RANBP17: variants seen among roughly 807,000 people sequenced by gnomAD.
RANBP17 encodes RAN binding protein 17.
In RANBP17, 158 loss-of-function variants were observed where a neutral mutation model predicts 141.2. The ratio of observed to expected loss-of-function variants is 1.12; its 90% CI spans 0.98 to 1.28. The LOEUF (loss-of-function observed/expected upper bound fraction) is 1.28. Among genes scored for constraint, RANBP17 ranks in the 50% most tolerant of loss-of-function variants. The pLI, the probability that RANBP17 is intolerant of heterozygous loss-of-function variation, is 0.00. For missense variants in RANBP17, 1,438 were observed against 1,290.7 expected (o/e 1.11, Z -1.75); for synonymous variants, 430 against 450.0 (o/e 0.96, Z 0.56).
chr5:171,121,800 A>G (rs961200072), intron 14 of RANBP17, among the ~76,000 whole-genome samples: 6 of 152,122 alleles, frequency 3.9e-5, no homozygotes, highest in Admixed American at 2.0e-4. Context: ...GTGCTGGATA[A>G]GTGCAATAGT....
In RANBP17 at chr5:171,265,758, G is replaced by A. The variant is rs769664997; in HGVS notation, c.2854G>A (p.Gly952Ser). The change falls in exon 25 of 28, where the codon GGC (glycine) becomes AGC (serine). Residue 952 changes from glycine (G) to serine (S), a missense_variant. Coordinates refer to ENST00000523189, the MANE Select transcript of RANBP17 (RefSeq NM_022897.5). ...CCTCTTCAAGCACATAGCAAAAGAGGGCAAGAAGCCACTTCGATGCAGAGA... is the reference window on the plus strand; with the variant it reads ...CCTCTTCAAGCACATAGCAAAAGAGAGCAAGAAGCCACTTCGATGCAGAGA... ...TYLFKHIAKE[G>S]KKPLRCREAT... 26 of 1,614,016 alleles carry A rather than the reference G, an allele frequency of 1.6e-5. 1 individual carries two copies. In the South Asian group the frequency reaches 2.1e-4, roughly 13 times the overall value.
rs1764861295 is a variant in RANBP17, at chr5:171,241,231, G to A, written c.2637+89G>A. On this transcript the variant is annotated intron_variant, in intron 23 of 27. Transcript: ENST00000523189. ...GAAGTGTTATAATGAAGCCCAGGGA[G>A]TTAGCCTAGAACATTTTATGTTTTA... 3.1e-6 allele frequency: 3 copies of A among 953,844 alleles called. No homozygotes were observed. In the Admixed American group the frequency reaches 6.5e-5, roughly 21 times the overall value. The allele number at this position is 953,844 out of a possible 1,614,324, so 59.1% of individuals were successfully genotyped here. A position where few individuals can be genotyped will look rare whatever the true frequency, so the allele number is the denominator to read the frequency against.
At chr5:171,271,563 A>G (rs978849781) in intron 25 of RANBP17, 1 of 209,662 alleles carries the variant, frequency 4.8e-6, no homozygotes, top group South Asian at 1.9e-4. Flanking sequence ...AGATTTTCTA[A>G]TGTTAATAAA....
intron 14 of RANBP17, among the ~76,000 whole-genome samples, chr5:171,168,615 G>A (rs1759869917): frequency 6.6e-6 from 1 of 152,054 alleles, no homozygotes; most frequent in Admixed American, 6.6e-5. Flanking sequence ...TGATTATTGA[G>A]GATTGTTGGT....
At chr5:171,076,805 A>G (rs1361138044) in intron 14 of RANBP17, among the ~76,000 whole-genome samples, 1 of 152,224 alleles carries the variant, frequency 6.6e-6, no homozygotes, top group Non-Finnish European at 1.5e-5. Context: ...TTACTAAAGA[A>G]AAACTCCCTT....
intron 2 of RANBP17, among the ~76,000 whole-genome samples, chr5:170,880,989 T>G (rs1200789018): frequency 6.6e-6 from 1 of 152,250 alleles, no homozygotes; most frequent in East Asian, 1.9e-4. Context: ...TCTGCCATCG[T>G]GGCATGAAAG....
At chr5:171,231,688 A>G (rs1004589567) in intron 22 of RANBP17, among the ~76,000 whole-genome samples, 31 of 152,226 alleles carry the variant, frequency 2.0e-4, no homozygotes, top group African/African-American at 7.0e-4. Context: ...TAAACTCTGT[A>G]AGCTTTAAAT....
intron 14 of RANBP17, chr5:171,158,598 T>G (rs749099057): frequency 5.8e-6 from 1 of 173,428 alleles, no homozygotes; most frequent in Admixed American, 6.4e-5. Flanking sequence ...TTGCTGAGAA[T>G]TGCAATTCTC....
chr5:171,051,750 AT>A (rs1312720352), intron 14 of RANBP17, among the ~76,000 whole-genome samples: 1 of 152,136 alleles, frequency 6.6e-6, no homozygotes, highest in African/African-American at 2.4e-5. Flanking sequence ...TCTTGGGTAT[AT>A]ACATAAAAGT....
chr5:171,266,888 G>C (rs1419303871), intron 25 of RANBP17, among the ~76,000 whole-genome samples: 2 of 151,498 alleles, frequency 1.3e-5, no homozygotes, highest in Non-Finnish European at 1.5e-5. Context: ...ACTACAGCCT[G>C]GATGACAGAG....
chr5:171,231,928 T>C (rs943918096), intron 22 of RANBP17, among the ~76,000 whole-genome samples: 5 of 152,244 alleles, frequency 3.3e-5, no homozygotes, highest in East Asian at 1.9e-4. Flanking sequence ...AACAAAATGC[T>C]ACAAATAGCA....
intron 14 of RANBP17, among the ~76,000 whole-genome samples, chr5:171,082,213 T>G (rs1785296623): frequency 6.6e-6 from 1 of 152,100 alleles, no homozygotes; most frequent in African/African-American, 2.4e-5. Context: ...TGTTTTTCAT[T>G]AAAATACACA....
intron 22 of RANBP17, among the ~76,000 whole-genome samples, chr5:171,234,490 T>C (rs895637874): frequency 6.6e-6 from 1 of 152,168 alleles, no homozygotes; most frequent in African/African-American, 2.4e-5. Flanking sequence ...GGATAGACTA[T>C]AGAGGATTAA....
intron 2 of RANBP17, 23 bp downstream of exon 2, chr5:170,878,266 T>C: frequency 6.3e-7 from 1 of 1,587,046 alleles, no homozygotes; most frequent in Non-Finnish European, 8.6e-7. Context: ...TAACAATGAT[T>C]AACCATGAAA....
At chr5:170,933,663 C>T (rs1004774640) in intron 12 of RANBP17, among the ~76,000 whole-genome samples, 1 of 152,084 alleles carries the variant, frequency 6.6e-6, no homozygotes, top group African/African-American at 2.4e-5. Flanking sequence ...GCCTTGATTT[C>T]GTTATGTACC....
chr5:171,034,400 A>G (rs1781741007), intron 14 of RANBP17, among the ~76,000 whole-genome samples: 2 of 152,206 alleles, frequency 1.3e-5, no homozygotes, highest in East Asian at 1.9e-4. Context: ...GTAGTGGTAT[A>G]AAACCTGAAT....
At chr5:170,874,093 C>T (rs1028937763) in intron 1 of RANBP17, among the ~76,000 whole-genome samples, 2 of 152,114 alleles carry the variant, frequency 1.3e-5, no homozygotes, top group Non-Finnish European at 2.9e-5. Context: ...GCGTTAATTT[C>T]ATTATTTACC....
At chr5:171,256,615 T>C (rs931624682) in intron 24 of RANBP17, among the ~76,000 whole-genome samples, 1 of 151,336 alleles carries the variant, frequency 6.6e-6, no homozygotes, top group African/African-American at 2.4e-5. Flanking sequence ...ATACAAAGGA[T>C]CAACAAAACA....
intron 14 of RANBP17, among the ~76,000 whole-genome samples, chr5:171,035,744 T>TG (rs1269555378): frequency 2.7e-5 from 4 of 150,098 alleles, no homozygotes; most frequent in African/African-American, 4.9e-5. Flanking sequence ...TTTGTTTTTT[T>TG]TTTTTTTTTT....
Sources: allele counts gnomAD v4.1 joint callset (sites outside exome capture counted in the v4.1 genomes callset), GRCh38; gene constraint gnomAD v4.1.1; transcripts MANE v1.5; gene names NCBI Gene and HGNC (gene_info 2026-07-23, HGNC 2026-07-21).